Variants in TECPR1 observed in about 807,000 individuals in gnomAD.
TECPR1 encodes tectonin beta-propeller repeat containing 1, also known as tectonin beta-propeller repeat-containing protein 1.
In TECPR1, 122 loss-of-function variants were observed where a neutral mutation model predicts 162.4. The ratio of observed to expected loss-of-function variants is 0.75; its 90% CI spans 0.65 to 0.87. The LOEUF is 0.87. Among genes scored for constraint, TECPR1 ranks in the 40% least tolerant of loss-of-function variants. The pLI, the probability that TECPR1 is intolerant of heterozygous loss-of-function variation, is 0.00. For synonymous variants in TECPR1, 642 were observed against 670.6 expected, an observed-to-expected ratio of 0.96 and a Z score of 0.66; for missense variants, 1,432 against 1,618.2, an observed-to-expected ratio of 0.88 and a Z score of 1.97.
In TECPR1 at chr7:98,243,918, C is replaced by T. The variant is rs542520066; in HGVS notation, c.532-326G>A. On this transcript the variant is annotated intron_variant, in intron 5 of 25. Transcript: ENST00000447648. ...CCTCTACAAAAAATTTAAAAGTTAA[C>T]CGGGCATGGTGGTGCATGCCTGTAG... Among the ~76,000 whole-genome samples, 3 of 152,286 alleles carry T rather than the reference C, an allele frequency of 2.0e-5. No individual in the cohort carries two copies. The South Asian group carries it at 6.2e-4, about 32-fold the overall frequency.
At chr7:98,248,533 CAAAAAAA>C (rs60387349) in intron 2 of TECPR1, among the ~76,000 whole-genome samples, 4 of 9,608 alleles carry the variant, frequency 4.2e-4, no homozygotes, top group Non-Finnish European at 5.7e-4. Context: ...CTGCCACCGG[CAAAAAAA>C]AAAAAAAAAA....
rs1584337074 is a variant in TECPR1 at position 98,231,637 on chromosome 7, C to A, written c.1974+167G>T. On this transcript the variant is annotated intron_variant, in intron 13 of 25. Coordinates refer to ENST00000447648, the MANE Select transcript of TECPR1 (RefSeq NM_015395.3). ...ATTTCTGTACCCCCTTCCCCGGGCA[C>A]CCCCATTTCTGTACCCCTCCCCTGG... 4.6e-6 allele frequency: 4 copies of A among 871,024 alleles called. No individual in the cohort carries two copies. In the East Asian group the frequency reaches 1.1e-4, roughly 24 times the overall value. The allele number at this position is 871,024 out of a possible 1,614,324, so 54.0% of individuals were successfully genotyped here. A position where few individuals can be genotyped will look rare whatever the true frequency, so the allele number is the denominator to read the frequency against.
chr7:98,236,985 T>C, intron 9 of TECPR1, 64 bp from the exon 10 acceptor site: 1 of 1,448,290 alleles, frequency 6.9e-7, no homozygotes, highest in Non-Finnish European at 9.1e-7. Flanking sequence ...TCTCGCTTCC[T>C]AGGGGTGCAA....
Position 98,217,448 on chromosome 7 carries a change from G to T in TECPR1, c.3440C>A (p.Ser1147Ter). 1 of 1,609,952 alleles carries T rather than the reference G, an allele frequency of 6.2e-7. No homozygotes were observed. The highest frequency in any genetic ancestry group is 8.5e-7 in the Non-Finnish European group (1 of 1,178,400). Residue 1147 changes from serine to a stop codon, truncating the protein, a stop_gained, in exon 26 of 26, where the codon TCG becomes TAG. Coordinates refer to ENST00000447648, the MANE Select transcript of TECPR1 (RefSeq NM_015395.3). LOFTEE classifies it high-confidence loss of function. ...RANATRAPRS[S>*]SQEQEPSAPP... is the part of the protein sequence containing the mutation. ...GGCACTCGGCTCCTGCTCCTGGGAC[G>T]AGCTCCGGGGGGCCCTGGTGGCATT...
intron 16 of TECPR1, among the ~76,000 whole-genome samples, 186 bp from the exon 17 acceptor site, chr7:98,228,302 C>T (rs1024762271): frequency 5.3e-5 from 8 of 152,106 alleles, no homozygotes; most frequent in Non-Finnish European, 1.5e-5. Flanking sequence ...TTTTCTCCTC[C>T]GGGACCGTGA....
In TECPR1 at chr7:98,243,610, G is replaced by A. The variant is rs1197765857; in HGVS notation, c.532-18C>T. 1.2e-6 allele frequency: 2 copies of A among 1,609,200 alleles called. No individual in the cohort carries two copies. The highest frequency in any genetic ancestry group is 2.7e-5 in the African/African-American group (2 of 74,866). ...GAGGGGATCTGAAGGAAGGAAGTGAGAAATGGTAGCAGTCAGCGCCCAGTG... is the reference window on the plus strand; with the variant it reads ...GAGGGGATCTGAAGGAAGGAAGTGAAAAATGGTAGCAGTCAGCGCCCAGTG... On this transcript the variant is annotated intron_variant, in intron 5 of 25. Coordinates refer to ENST00000447648, the MANE Select transcript of TECPR1 (RefSeq NM_015395.3).
rs1403512365 is a variant in TECPR1, at chr7:98,223,028, C to T, written c.2890G>A (p.Val964Met). 2 of 1,611,694 alleles carry T rather than the reference C, an allele frequency of 1.2e-6. No homozygotes were observed. The highest frequency in any genetic ancestry group is 1.7e-6 in the Non-Finnish European group (2 of 1,179,488). ...ALWAVSDKGD[V>M]LCRLGVSELN... is the part of the protein sequence containing the mutation. ...TCCGACACGCCCAGGCGGCACAGCACATCCCCCTTGTCGCTGACGGCCCAG... is the reference window on the plus strand; with the variant it reads ...TCCGACACGCCCAGGCGGCACAGCATATCCCCCTTGTCGCTGACGGCCCAG... Residue 964 changes from valine to methionine, a missense_variant, in exon 21 of 26, where the codon GTG becomes ATG. By Grantham distance (21) the Val-to-Met change is conservative. Coordinates refer to ENST00000447648, the MANE Select transcript of TECPR1 (RefSeq NM_015395.3).
At chr7:98,229,018 G>C (rs1196199555) in intron 16 of TECPR1, 21 bp downstream of exon 16, 7 of 1,596,804 alleles carry the variant, frequency 4.4e-6, no homozygotes, top group Non-Finnish European at 6.0e-6. Context: ...AGGCTCCGGG[G>C]GGGCTGTGGG....
chr7:98,222,585 GGAC>G, intron 21 of TECPR1, 64 bp from the exon 22 acceptor site: 1 of 1,528,898 alleles, frequency 6.5e-7, no homozygotes, highest in Non-Finnish European at 8.8e-7. Context: ...CCCACCTCCA[GGAC>G]CAGCAGAAAT....
At chr7:98,231,394 C>G (rs779315146) in intron 13 of TECPR1, 21 bp from the exon 14 acceptor site, 1 of 1,575,546 alleles carries the variant, frequency 6.3e-7, no homozygotes. Flanking sequence ...AACAGGCGCC[C>G]GGCAGGGCTG....
chr7:98,247,237 G>A (rs1277964866), intron 2 of TECPR1, among the ~76,000 whole-genome samples: 2 of 151,976 alleles, frequency 1.3e-5, no homozygotes, highest in Non-Finnish European at 2.9e-5. Context: ...CGAACTCCTG[G>A]GCTCAAGTGA....
intron 23 of TECPR1, among the ~76,000 whole-genome samples, chr7:98,218,953 A>C (rs1798081826): frequency 6.6e-6 from 1 of 152,242 alleles, no homozygotes. Context: ...CAAAAAGAAC[A>C]AATCTGGAGG....
Position 98,217,920 on chromosome 7 carries a change from C to G in TECPR1, c.3264+16G>C. ...CAGAGCACCCCAAGTGCCCGATACC[C>G]CCTGAGCACCCCCACCTGGTCCAGG... On this transcript the variant is annotated intron_variant, in intron 24 of 25. Coordinates refer to ENST00000447648, the MANE Select transcript of TECPR1 (RefSeq NM_015395.3). The G allele has an allele frequency of 6.5e-7, 1 of 1,545,990 alleles. No homozygotes were observed. The highest frequency in any genetic ancestry group is 8.8e-7 in the Non-Finnish European group (1 of 1,142,550).
intron 20 of TECPR1, 57 bp downstream of exon 20, chr7:98,223,605 C>A: frequency 1.3e-6 from 2 of 1,596,780 alleles, no homozygotes; most frequent in Non-Finnish European, 1.7e-6. Flanking sequence ...AGAGCTCCCT[C>A]AAGGGTGGCT....
intron 13 of TECPR1, 35 bp downstream of exon 13, chr7:98,231,767 CCT>C: frequency 6.3e-7 from 1 of 1,596,814 alleles, no homozygotes; most frequent in South Asian, 1.1e-5. Flanking sequence ...CCCTGTGTCC[CCT>C]CCCTGGCCCC....
At chr7:98,234,903 G>A (rs1006407947) in intron 10 of TECPR1, among the ~76,000 whole-genome samples, 1 of 151,734 alleles carries the variant, frequency 6.6e-6, no homozygotes, top group African/African-American at 2.4e-5. Context: ...TTGTAGAGAT[G>A]GGGTCTCACT....
chr7:98,231,079 CCTTCCGG>C lies in TECPR1; in HGVS notation c.2157_2163del (p.Ser719ArgfsTer22). On this transcript the variant is annotated frameshift_variant, in exon 15 of 26. Coordinates refer to ENST00000447648, the MANE Select transcript of TECPR1 (RefSeq NM_015395.3). LOFTEE classifies it high-confidence loss of function. Reference sequence around the variant, plus strand: ...GCCTGCGGGGACGGGCGGCCCTGCACCTTCCGGCTCTCGCAGCAAGACAGGCTGAGCA... The same window carrying C: ...GCCTGCGGGGACGGGCGGCCCTGCACCTCTCGCAGCAAGACAGGCTGAGCA... 1 of 1,606,816 alleles carries C rather than the reference CCTTCCGG, an allele frequency of 6.2e-7. No homozygotes were observed. The highest frequency in any genetic ancestry group is 8.5e-7 in the Non-Finnish European group (1 of 1,177,374).
chr7:98,227,100 T>C (rs1363208969), intron 17 of TECPR1, among the ~76,000 whole-genome samples: 2 of 151,934 alleles, frequency 1.3e-5, no homozygotes, highest in African/African-American at 4.8e-5. Flanking sequence ...AGCTCCAGTA[T>C]AGAAAACTAC....
At chr7:98,228,999 C>G (rs374861977) in intron 16 of TECPR1, 40 bp downstream of exon 16, 1 of 1,582,372 alleles carries the variant, frequency 6.3e-7, no homozygotes, top group South Asian at 1.1e-5. Context: ...GAGGAAAGAA[C>G]GCCCAGGAAG....
Sources: allele counts gnomAD v4.1 joint callset (sites outside exome capture counted in the v4.1 genomes callset), GRCh38; gene constraint gnomAD v4.1.1; transcripts MANE v1.5; gene names NCBI Gene and HGNC (gene_info 2026-07-23, HGNC 2026-07-21).